The following GRK5 variants were observed in gnomAD, a reference collection of about 807,000 sequenced individuals.
GRK5 encodes the protein g protein-coupled receptor kinase GRK5.
A neutral mutation model predicts 78.4 loss-of-function variants in GRK5; 40 were observed. The observed-to-expected ratio is 0.51, with a 90% CI of 0.40 to 0.66. The LOEUF (loss-of-function observed/expected upper bound fraction) is 0.66. GRK5 is among the 30% of genes least tolerant of loss of function. The pLI is 0.00. For missense variants in GRK5, 598 were observed against 759.9 expected (o/e 0.79, Z 2.50); for synonymous variants, 289 against 296.8 (o/e 0.97, Z 0.27).
chr10:119,420,553 C>CT lies in GRK5; in HGVS notation c.340-2605dup, dbSNP rs1276695314. On this transcript the variant is annotated intron_variant, in intron 4 of 15. Coordinates refer to ENST00000392870, the MANE Select transcript of GRK5 (RefSeq NM_005308.3). Reference sequence around the variant, plus strand: ...ACCACACTAGCTCCATCTCTTTTTTCTTTTTTTTCTTTTTCTTTCTTTTTT... The same window carrying CT: ...ACCACACTAGCTCCATCTCTTTTTTCTTTTTTTTTCTTTTTCTTTCTTTTTT... Among the ~76,000 whole-genome samples the CT allele has an allele frequency of 1.1e-4, 16 of 150,086 alleles. No individual in the cohort carries two copies. The East Asian group carries it at 1.2e-3, about 11-fold the overall frequency.
At chr10:119,449,502 T>A (rs1412641555) in intron 13 of GRK5, among the ~76,000 whole-genome samples, 1 of 152,170 alleles carries the variant, frequency 6.6e-6, no homozygotes, top group African/African-American at 2.4e-5. Flanking sequence ...CGGGGGCCAC[T>A]GAGAATATAA....
intron 6 of GRK5, among the ~76,000 whole-genome samples, chr10:119,425,300 C>CACACACAA (rs1564930058): frequency 2.0e-5 from 3 of 150,786 alleles, no homozygotes; most frequent in African/African-American, 7.3e-5. Flanking sequence ...CACACACAAA[C>CACACACAA]ACACATTCAC....
intron 1 of GRK5, among the ~76,000 whole-genome samples, chr10:119,233,117 T>C (rs923365055): frequency 9.9e-5 from 15 of 152,206 alleles, no homozygotes; most frequent in African/African-American, 3.6e-4. Flanking sequence ...GGCTCCTCCA[T>C]GCCAGAGGCA....
At chr10:119,409,694 G>C (rs994623078) in intron 4 of GRK5, among the ~76,000 whole-genome samples, 3 of 148,660 alleles carry the variant, frequency 2.0e-5, no homozygotes, top group South Asian at 2.1e-4. Flanking sequence ...TTCCTGGCTC[G>C]TAGGAGATTC....
At chr10:119,358,238 G>T (rs1174767140) in intron 2 of GRK5, among the ~76,000 whole-genome samples, 1 of 152,184 alleles carries the variant, frequency 6.6e-6, no homozygotes, top group Non-Finnish European at 1.5e-5. Context: ...ATGCATGGCT[G>T]GTCCTAGCTC....
chr10:119,326,642 G>T (rs1166685565), intron 2 of GRK5, 31 bp downstream of exon 2: 1 of 1,530,356 alleles, frequency 6.5e-7, no homozygotes, highest in Non-Finnish European at 9.1e-7. Flanking sequence ...GCTGTGCGGG[G>T]AGTGAGTAGC....
At chr10:119,365,973 A>T (rs1851442412) in intron 2 of GRK5, among the ~76,000 whole-genome samples, 1 of 152,082 alleles carries the variant, frequency 6.6e-6, no homozygotes, top group Non-Finnish European at 1.5e-5. Flanking sequence ...ACGTTATTGC[A>T]CCCCGGCTCT....
chr10:119,408,701 A>G (rs1852285004), intron 4 of GRK5, among the ~76,000 whole-genome samples: 1 of 152,102 alleles, frequency 6.6e-6, no homozygotes, highest in South Asian at 2.1e-4. Context: ...CGTGGGAGGG[A>G]GGGAGTAGGG....
chr10:119,388,835 C>T (rs529198994), intron 3 of GRK5, among the ~76,000 whole-genome samples: 5 of 152,200 alleles, frequency 3.3e-5, no homozygotes, highest in Admixed American at 1.3e-4. Context: ...TCTGCATCCA[C>T]AGTTATTCAC....
intron 4 of GRK5, among the ~76,000 whole-genome samples, chr10:119,400,825 C>T (rs1453992208): frequency 6.6e-6 from 1 of 152,192 alleles, no homozygotes; most frequent in African/African-American, 2.4e-5. Flanking sequence ...GGCCAGCAGC[C>T]TTGGGGATGG....
At chr10:119,305,893 A>G (rs1850265205) in intron 1 of GRK5, among the ~76,000 whole-genome samples, 1 of 152,182 alleles carries the variant, frequency 6.6e-6, no homozygotes, top group African/African-American at 2.4e-5. Flanking sequence ...AGCAGAGGAA[A>G]TGACATATGC....
At chr10:119,224,353 G>A (rs1172724546) in intron 1 of GRK5, among the ~76,000 whole-genome samples, 1 of 151,996 alleles carries the variant, frequency 6.6e-6, no homozygotes, top group African/African-American at 2.4e-5. Context: ...CTTGCCAGAA[G>A]TGAGATCCAG....
chr10:119,243,915 A>C (rs1849065379), intron 1 of GRK5, among the ~76,000 whole-genome samples: 1 of 152,230 alleles, frequency 6.6e-6, no homozygotes, highest in African/African-American at 2.4e-5. Flanking sequence ...CAATGACAAA[A>C]ATCATAGTTT....
intron 1 of GRK5, among the ~76,000 whole-genome samples, chr10:119,292,131 T>TTCC (rs1564879729): frequency 5.4e-5 from 1 of 18,550 alleles, no homozygotes. Context: ...TCTCCTCATC[T>TTCC]TCCTCCTTCT....
intron 6 of GRK5, among the ~76,000 whole-genome samples, chr10:119,428,170 C>T (rs568821118): frequency 6.6e-6 from 1 of 152,262 alleles, no homozygotes; most frequent in South Asian, 2.1e-4. Flanking sequence ...TCTGTGTCCA[C>T]CTTCCCAGAG....
intron 1 of GRK5, among the ~76,000 whole-genome samples, chr10:119,282,508 T>A (rs1343133368): frequency 6.6e-6 from 1 of 152,244 alleles, no homozygotes; most frequent in African/African-American, 2.4e-5. Flanking sequence ...CACTGCTGTG[T>A]CCTCAGCTCC....
At chr10:119,377,085 GAA>G (rs1564910410) in intron 2 of GRK5, among the ~76,000 whole-genome samples, 1 of 152,158 alleles carries the variant, frequency 6.6e-6, no homozygotes, top group Non-Finnish European at 1.5e-5. Flanking sequence ...GAGACAGAGA[GAA>G]AAGTCTTCTG....
intron 1 of GRK5, among the ~76,000 whole-genome samples, chr10:119,278,020 T>C (rs1849697073): frequency 6.6e-6 from 1 of 152,242 alleles, no homozygotes; most frequent in Admixed American, 6.5e-5. Context: ...GTTTCTAGTC[T>C]CTCTATGGAC....
chr10:119,320,138 G>A (rs1296939998), intron 1 of GRK5, among the ~76,000 whole-genome samples: 1 of 152,204 alleles, frequency 6.6e-6, no homozygotes, highest in East Asian at 1.9e-4. Flanking sequence ...TCGGAGTGGG[G>A]GAACAATGAT....
Sources: gnomAD v4.1 joint callset for allele counts (sites outside exome capture counted in the v4.1 genomes callset) on GRCh38, gnomAD v4.1.1 for gene constraint, MANE v1.5 for transcripts, NCBI Gene and HGNC (gene_info 2026-07-23, HGNC 2026-07-21) for gene names.